The following VWA2 variants were observed in gnomAD, a reference collection of about 807,000 sequenced individuals.
The protein encoded by VWA2 is von Willebrand factor A domain-containing protein 2.
Under a neutral mutation model 70.4 loss-of-function variants are expected in VWA2, and 73 were observed. That is an observed-to-expected ratio of 1.04 (90% CI 0.86 to 1.26). The LOEUF is 1.26. Ranked by LOEUF, VWA2 falls within the 50% of genes most tolerant of loss-of-function variation. The pLI is 0.00. For synonymous variants in VWA2, 407 were observed against 423.3 expected (o/e 0.96, Z 0.47); for missense variants, 1,011 against 998.5 (o/e 1.01, Z -0.17).
intron 8 of VWA2, among the ~76,000 whole-genome samples, chr10:114,280,116 A>C (rs778788217): frequency 1.9e-4 from 29 of 152,178 alleles, no homozygotes; most frequent in Non-Finnish European, 3.5e-4. Flanking sequence ...TAATAATCAT[A>C]CCTGCCCTAC....
intron 6 of VWA2, among the ~76,000 whole-genome samples, chr10:114,277,424 TCCAC>T (rs2037872570): frequency 6.6e-6 from 1 of 152,026 alleles, no homozygotes; most frequent in Non-Finnish European, 1.5e-5. Context: ...CCTCAAGTGA[TCCAC>T]CCACCTCGGC....
At chr10:114,285,044 G>A (rs550731551) in intron 10 of VWA2, 74 bp downstream of exon 10, 24 of 1,214,452 alleles carry the variant, frequency 2.0e-5, no homozygotes, top group Admixed American at 9.2e-5. Flanking sequence ...TTCATTGCAC[G>A]CCCTTCCAGC....
chr10:114,285,103 T>G, intron 10 of VWA2, 133 bp downstream of exon 10: 1 of 637,060 alleles, frequency 1.6e-6, no homozygotes, highest in Non-Finnish European at 2.5e-6. Context: ...AATGCACCAC[T>G]GGTCTGCAGT....
chr10:114,255,048 G>T lies in VWA2; in HGVS notation c.261G>T (p.Arg87Ser), dbSNP rs1263769223. Residue 87 changes from arginine (R) to serine (S), a missense_variant and splice_region_variant, in exon 4 of 14, where the codon AGG becomes AGT. Coordinates refer to ENST00000392982, the MANE Select transcript of VWA2 (RefSeq NM_001272046.2). Reference sequence around the variant, plus strand: ...ACGGTCTGGACATCAGCCCCGAGAGGGTGAGTGCAAGTCTTGTGGGTGTTT... The same window carrying T: ...ACGGTCTGGACATCAGCCCCGAGAGTGTGAGTGCAAGTCTTGTGGGTGTTT... ...VCDGLDISPERVRVGAFQFSS... is the reference protein window; with the variant it reads ...VCDGLDISPESVRVGAFQFSS... 4 of 1,611,522 alleles carry T rather than the reference G, an allele frequency of 2.5e-6. No individual in the cohort carries two copies. The highest frequency in any genetic ancestry group is 3.4e-6 in the Non-Finnish European group (4 of 1,179,848).
chr10:114,254,891 A>G (rs200956213), intron 3 of VWA2, 24 bp from the exon 4 acceptor site: 379 of 1,603,990 alleles, frequency 2.4e-4, no homozygotes, highest in South Asian at 2.3e-3. Flanking sequence ...CCTGGTTGTC[A>G]TCTGTCTGTC....
chr10:114,256,435 C>T (rs2037329448), intron 4 of VWA2, among the ~76,000 whole-genome samples: 1 of 151,974 alleles, frequency 6.6e-6, no homozygotes, highest in Non-Finnish European at 1.5e-5. Context: ...TATCGGTATA[C>T]AGTTTTCTTA....
chr10:114,286,684 A>G (rs1209199509), intron 11 of VWA2, among the ~76,000 whole-genome samples, 173 bp downstream of exon 11: 1 of 152,244 alleles, frequency 6.6e-6, no homozygotes, highest in Non-Finnish European at 1.5e-5. Context: ...TGTCAACAAA[A>G]TGGGACTAAT....
intron 4 of VWA2, among the ~76,000 whole-genome samples, chr10:114,258,944 A>C (rs936833084): frequency 6.6e-6 from 1 of 152,206 alleles, no homozygotes; most frequent in Non-Finnish European, 1.5e-5. Context: ...ATGTTTCATC[A>C]TAAGGATTTC....
At position 114,239,584 on chromosome 10, in the gene VWA2, C is replaced by G. The variant is rs2036938149; in HGVS notation, c.-11+15C>G. On this transcript the variant is annotated intron_variant, in intron 1 of 13. Transcript: ENST00000392982. Reference sequence around the variant, plus strand: ...CTCTCCTTCCGGTGAGTCCCAGCCCCGAGTTGGCTCTGGCGCCCGGGTACC... The same window carrying G: ...CTCTCCTTCCGGTGAGTCCCAGCCCGGAGTTGGCTCTGGCGCCCGGGTACC... 2 of 152,288 alleles carry G rather than the reference C, an allele frequency of 1.3e-5. No individual in the cohort carries two copies. Among genetic ancestry groups the G allele is most frequent in the Non-Finnish European group, 1.5e-5 (1 of 68,100 alleles). The allele number at this position is 152,288 out of a possible 1,614,324, so 9.4% of individuals were successfully genotyped here.
intron 5 of VWA2, among the ~76,000 whole-genome samples, chr10:114,268,990 G>A (rs1481862724): frequency 3.3e-5 from 5 of 151,258 alleles, no homozygotes; most frequent in Admixed American, 3.3e-4. Context: ...GGGATTACAG[G>A]CGTGAGCCAC....
chr10:114,258,823 A>T (rs2037383717), intron 4 of VWA2, among the ~76,000 whole-genome samples: 1 of 152,212 alleles, frequency 6.6e-6, no homozygotes, highest in African/African-American at 2.4e-5. Context: ...CTTATTACAC[A>T]AAGCGTAGCC....
In VWA2 at chr10:114,281,800, AT is replaced by A. The variant is rs199757999; in HGVS notation, c.834-715del. On this transcript the variant is annotated intron_variant, in intron 8 of 13. Transcript: ENST00000392982. Reference sequence around the variant, plus strand: ...TAAGGAATACAGTTGAAAAGTGAAGATAGAATTACTATACAAAGAGGAAAGT... The same window carrying A: ...TAAGGAATACAGTTGAAAAGTGAAGAAGAATTACTATACAAAGAGGAAAGT... The A allele has an allele frequency of 1.9e-3, 1,815 of 961,544 alleles. 24 individuals carry two copies. In the African/African-American group the frequency reaches 0.029, roughly 16 times the overall value. 59.6% of individuals were successfully genotyped at this position (961,544 alleles called of 1,614,324 possible).
At chr10:114,253,602 C>T (rs2133303459) in intron 2 of VWA2, 49 bp from the exon 3 acceptor site, 2 of 1,536,616 alleles carry the variant, frequency 1.3e-6, no homozygotes, top group Non-Finnish European at 1.8e-6. Context: ...GATTGAGCCT[C>T]CTCCCCTCTC....
Position 114,285,940 on chromosome 10 carries a change from C to A in VWA2, c.999C>A (p.Ala333=). 6.3e-7 allele frequency: 1 copy of A among 1,589,838 alleles called. No homozygotes were observed. The highest frequency in any genetic ancestry group is 1.1e-5 in the South Asian group (1 of 87,730). The change falls in exon 11 of 14, where the codon GCC becomes GCA. Residue 333 remains alanine (A), a splice_region_variant and synonymous_variant. Transcript: ENST00000392982. ...TGGGTGTTGCTGTGATCCCCGCAGC[C>A]CTGAAGCTGAGCCTGGAATGCAGGG... ...PLAFGGEANC[A]LKLSLECRVD...
rs150611926 is a variant in VWA2 at position 114,268,927 on chromosome 10, C to T, written c.372-3813C>T. ...AGCCAGGATGGTCTCGATCTCTTGA[C>T]CTTGTGAAACGCCCGCCTCGGCCTT... On this transcript the variant is annotated intron_variant, in intron 5 of 13. Coordinates refer to ENST00000392982, the MANE Select transcript of VWA2 (RefSeq NM_001272046.2). Among the ~76,000 whole-genome samples the T allele has an allele frequency of 3.3e-5, 5 of 152,202 alleles. No individual in the cohort carries two copies. In the South Asian group the frequency reaches 1.0e-3, roughly 32 times the overall value.
rs199534977 is a variant in VWA2 at position 114,282,563 on chromosome 10, C to T, written c.881C>T (p.Thr294Ile). ...LTHPATCYRT[T>I]CPGPCDSQPC... ...CACCCTGCCACCTGCTACAGGACCACCTGCCCAGGTATGGTCTGTCTCTTG... is the reference window on the plus strand; with the variant it reads ...CACCCTGCCACCTGCTACAGGACCATCTGCCCAGGTATGGTCTGTCTCTTG... The change falls in exon 9 of 14, where the codon ACC becomes ATC. Residue 294 changes from threonine (T) to isoleucine (I), a missense_variant. By Grantham distance (89) the Thr-to-Ile change is moderately conservative (BLOSUM62 -1). Transcript: ENST00000392982. 4.5e-5 allele frequency: 72 copies of T among 1,614,032 alleles called. No individual in the cohort carries two copies. The East Asian group carries it at 1.6e-3, about 35-fold the overall frequency.
chr10:114,286,464 A>T lies in VWA2; in HGVS notation c.1523A>T (p.Asn508Ile). The stretch of plus-strand genomic sequence containing the variant: ...TACTCGGATCCTCAGGATCTGTTCA[A>T]CCAAATCCCTGAGCTGCAGGGGAAG... ...MVYSDPQDLF[N>I]QIPELQGKLC... is the part of the protein sequence containing the mutation. Residue 508 changes from asparagine (N) to isoleucine (I), a missense_variant, in exon 11 of 14, where the codon AAC becomes ATC. Transcript: ENST00000392982. 1.2e-6 allele frequency: 2 copies of T among 1,602,946 alleles called. No homozygotes were observed. The highest frequency in any genetic ancestry group is 8.5e-7 in the Non-Finnish European group (1 of 1,172,638).
At chr10:114,282,804 G>T (rs2038338100) in intron 9 of VWA2, among the ~76,000 whole-genome samples, 1 of 152,198 alleles carries the variant, frequency 6.6e-6, no homozygotes, top group South Asian at 2.1e-4. Flanking sequence ...AGTGTTGTGT[G>T]CATTGGTGAG....
chr10:114,262,278 T>A lies in VWA2; in HGVS notation c.371+983T>A, dbSNP rs528539989. On this transcript the variant is annotated intron_variant, in intron 5 of 13. Transcript: ENST00000392982. ...ATGTGTGTTTATGCTCATATGTTTTTATACACTTATATTTTGTGTATATTT... is the reference window on the plus strand; with the variant it reads ...ATGTGTGTTTATGCTCATATGTTTTAATACACTTATATTTTGTGTATATTT... 7.3e-5 allele frequency among the ~76,000 whole-genome samples: 11 copies of A among 150,676 alleles called. No homozygotes were observed. In the South Asian group the frequency reaches 2.3e-3, roughly 31 times the overall value.
Sources: gnomAD v4.1 joint callset for allele counts (sites outside exome capture counted in the v4.1 genomes callset) on GRCh38, gnomAD v4.1.1 for gene constraint, MANE v1.5 for transcripts, NCBI Gene and HGNC (gene_info 2026-07-23, HGNC 2026-07-21) for gene names.